The following NEK9 variants were observed in gnomAD, a reference collection of about 807,000 sequenced individuals.
The protein encoded by NEK9 is serine/threonine-protein kinase Nek9.
Under a neutral mutation model 123.4 loss-of-function variants are expected in NEK9, and 75 were observed. That is an observed-to-expected ratio of 0.61 (90% CI 0.50 to 0.74). The LOEUF (loss-of-function observed/expected upper bound fraction) is 0.74. Ranked by LOEUF, NEK9 falls within the 30% of genes least tolerant of loss-of-function variation. The pLI, the probability that NEK9 is intolerant of heterozygous loss-of-function variation, is 0.00. For missense variants in NEK9, 952 were observed against 1,214.4 expected, an observed-to-expected ratio of 0.78 and a Z score of 3.21; for synonymous variants, 438 against 458.7, an observed-to-expected ratio of 0.95 and a Z score of 0.58.
intron 8 of NEK9, among the ~76,000 whole-genome samples, chr14:75,112,087 A>G (rs1246368557): frequency 6.6e-6 from 1 of 152,206 alleles, no homozygotes; most frequent in Non-Finnish European, 1.5e-5. Context: ...CTGGCTACAG[A>G]CCAACTAGAG....
chr14:75,087,735 C>A (rs1894074555), intron 20 of NEK9, among the ~76,000 whole-genome samples: 1 of 152,244 alleles, frequency 6.6e-6, no homozygotes, highest in Non-Finnish European at 1.5e-5. Context: ...GGTATTATTA[C>A]CTCTTCTGGG....
At chr14:75,111,088 A>G (rs965369447) in intron 8 of NEK9, among the ~76,000 whole-genome samples, 2 of 152,214 alleles carry the variant, frequency 1.3e-5, no homozygotes, top group Non-Finnish European at 2.9e-5. Flanking sequence ...TATGCCTCTC[A>G]TCACGTGAAC....
chr14:75,120,930 A>G, intron 3 of NEK9, 189 bp downstream of exon 3: 1 of 677,302 alleles, frequency 1.5e-6, no homozygotes, highest in Non-Finnish European at 2.7e-6. Context: ...TGTGGAGGTA[A>G]AACGTTTAGG....
chr14:75,118,025 A>T (rs541856736), intron 5 of NEK9, among the ~76,000 whole-genome samples: 22 of 152,308 alleles, frequency 1.4e-4, no homozygotes, highest in African/African-American at 5.3e-4. Context: ...GCATTTAACT[A>T]GCTAAAAAAA....
chr14:75,088,310 G>A (rs1894090597), intron 20 of NEK9, among the ~76,000 whole-genome samples, 170 bp downstream of exon 20: 1 of 152,202 alleles, frequency 6.6e-6, no homozygotes, highest in Non-Finnish European at 1.5e-5. Context: ...CCTTTCTGAG[G>A]CAACTCAGTT....
At chr14:75,126,605 G>A (rs556582589) in intron 1 of NEK9, 98 bp downstream of exon 1, 5 of 941,922 alleles carry the variant, frequency 5.3e-6, no homozygotes, top group Admixed American at 4.2e-5. Context: ...GGCGCCTAAA[G>A]CACTAAGCTC....
Position 75,087,227 on chromosome 14 carries a change from G to A in NEK9, c.2608C>T (p.Pro870Ser). The A allele has an allele frequency of 6.2e-7, 1 of 1,604,490 alleles. No homozygotes were observed. The change falls in exon 21 of 22, where the codon CCT (proline) becomes TCT (serine). Residue 870 changes from proline to serine, a missense_variant. Pro to Ser is a moderately conservative substitution (Grantham distance 74, BLOSUM62 -1). This residue lies in a region of NEK9 where 698 missense variants were observed against 875.6 expected (regional missense o/e 0.80). Coordinates refer to ENST00000238616, the MANE Select transcript of NEK9 (RefSeq NM_033116.6). ...CAGGTTACTGCAGGATTCAGCCGAG[G>A]TGACTAGAGAGACAAGAAGGAGATT... is the stretch of plus-strand genomic sequence containing the variant. ...EHKPQVEASS[P>S]RLNPAVTCAG...
chr14:75,124,180 AGCCG>A lies in NEK9; in HGVS notation c.259_262del (p.Arg87CysfsTer10). The A allele has an allele frequency of 6.2e-7, 1 of 1,614,136 alleles. No individual in the cohort carries two copies. Among genetic ancestry groups the A allele is most frequent in the Non-Finnish European group, 8.5e-7 (1 of 1,179,990 alleles). ...GGCATCACGACGTTCCTTCTCAGAC[AGCCG>A]GGTCAAATCGACTTCCTTCCACACA... On this transcript the variant is annotated frameshift_variant, in exon 2 of 22. Coordinates refer to ENST00000238616, the MANE Select transcript of NEK9 (RefSeq NM_033116.6). LOFTEE classifies it high-confidence loss of function.
At chr14:75,107,228 C>T in intron 11 of NEK9, 115 bp downstream of exon 11, 1 of 1,099,422 alleles carries the variant, frequency 9.1e-7, no homozygotes, top group Non-Finnish European at 1.3e-6. Flanking sequence ...TGCTCAAGGT[C>T]CTCTGGTTCT....
chr14:75,086,070 T>G (rs938206247), intron 21 of NEK9, among the ~76,000 whole-genome samples: 16 of 151,686 alleles, frequency 1.1e-4, no homozygotes, highest in African/African-American at 3.9e-4. Flanking sequence ...GCGTCTATAG[T>G]CCCAGCTACT....
intron 10 of NEK9, among the ~76,000 whole-genome samples, chr14:75,108,038 C>T (rs1305385689): frequency 6.6e-6 from 1 of 152,018 alleles, no homozygotes; most frequent in Non-Finnish European, 1.5e-5. Flanking sequence ...TCACAGTTTC[C>T]CTGAAACATG....
chr14:75,125,921 T>A (rs1895508129), intron 1 of NEK9, among the ~76,000 whole-genome samples: 1 of 152,174 alleles, frequency 6.6e-6, no homozygotes, highest in Non-Finnish European at 1.5e-5. Flanking sequence ...AGTAGAATAA[T>A]CACTGCAGGG....
chr14:75,117,132 C>G, intron 6 of NEK9, 63 bp downstream of exon 6: 2 of 1,546,526 alleles, frequency 1.3e-6, no homozygotes, highest in South Asian at 2.4e-5. Flanking sequence ...AGTTGATCTG[C>G]TTAGTCAAGC....
At chr14:75,109,912 C>T (rs1389418335) in intron 9 of NEK9, 35 bp from the exon 10 acceptor site, 2 of 1,554,912 alleles carry the variant, frequency 1.3e-6, no homozygotes, top group Non-Finnish European at 1.7e-6. Flanking sequence ...GAACATTTAA[C>T]ATTAAAAACA....
intron 8 of NEK9, 86 bp downstream of exon 8, chr14:75,113,253 A>G: frequency 1.9e-6 from 2 of 1,027,482 alleles, no homozygotes; most frequent in East Asian, 2.4e-5. Context: ...GTCAGGAAAC[A>G]CTACTCTTTC....
chr14:75,082,940 T>C lies in NEK9; in HGVS notation c.*1624A>G. ...GTTTCAGTGATTACATTAGTACTAA[T>C]GTACTAGGCTTCCCAGAACTGAGAA... On this transcript the variant is annotated 3_prime_UTR_variant, in exon 22 of 22. Coordinates refer to ENST00000238616, the MANE Select transcript of NEK9 (RefSeq NM_033116.6). The C allele has an allele frequency of 5.0e-6, 2 of 398,610 alleles. No individual in the cohort carries two copies. The highest frequency in any genetic ancestry group is 8.8e-6 in the Non-Finnish European group (2 of 226,072). 24.7% of individuals were successfully genotyped at this position (398,610 alleles called of 1,614,324 possible).
chr14:75,110,659 T>C (rs549953751), intron 8 of NEK9, among the ~76,000 whole-genome samples: 2 of 152,160 alleles, frequency 1.3e-5, no homozygotes, highest in East Asian at 1.9e-4. Flanking sequence ...CTGATGTACA[T>C]ATTTAGTATC....
rs768646248 is a variant in NEK9, at chr14:75,117,342, ACAAT to A, written c.631-20_631-17del. ...TTCCCACAAGCTGAGCAACAAAGAA[ACAAT>A]CAAAGAATAACTTCTTTTCTGAGGT... is the stretch of plus-strand genomic sequence containing the variant. On this transcript the variant is annotated splice_polypyrimidine_tract_variant and intron_variant, in intron 5 of 21. Transcript: ENST00000238616. 9.4e-6 allele frequency: 15 copies of A among 1,589,422 alleles called. No homozygotes were observed. The highest frequency in any genetic ancestry group is 8.5e-6 in the Non-Finnish European group (10 of 1,173,236).
intron 16 of NEK9, among the ~76,000 whole-genome samples, chr14:75,100,452 A>G (rs1179078681): frequency 1.3e-5 from 2 of 152,208 alleles, no homozygotes; most frequent in African/African-American, 4.8e-5. Context: ...GTTTCAAAAA[A>G]CAAAACAAAC....
Sources: allele counts gnomAD v4.1 joint callset (sites outside exome capture counted in the v4.1 genomes callset), GRCh38; gene constraint gnomAD v4.1.1; regional missense constraint gnomAD v4.1.1; transcripts MANE v1.5; gene names NCBI Gene and HGNC (gene_info 2026-07-23, HGNC 2026-07-21).